The following STPG2 variants were observed in gnomAD, a reference collection of about 807,000 sequenced individuals.
STPG2 encodes sperm-tail PG-rich repeat-containing protein 2.
In STPG2, 56 loss-of-function variants were observed where a neutral mutation model predicts 54.2. That is an observed-to-expected ratio of 1.03 (90% CI 0.83 to 1.29). The LOEUF is 1.29. STPG2 is among the 50% of genes most tolerant of loss of function. The pLI is 0.00. For missense variants in STPG2, 596 were observed against 544.9 expected (o/e 1.09, Z -0.93); for synonymous variants, 200 against 181.8 (o/e 1.10, Z -0.81).
At chr4:97,456,891 C>CAAAAAAAAAAAAAAAAAAAAAA (rs57563048) in intron 4 of STPG2, among the ~76,000 whole-genome samples, 5 of 48,888 alleles carry the variant, frequency 1.0e-4, no homozygotes, top group African/African-American at 5.7e-4. Flanking sequence ...TGCTCCGTCT[C>CAAAAAAAAAAAAAAAAAAAAAA]AAAAAAAAAA....
At chr4:98,034,712 C>T (rs1736716234) in intron 5 of STPG2, among the ~76,000 whole-genome samples, 1 of 152,138 alleles carries the variant, frequency 6.6e-6, no homozygotes, top group African/African-American at 2.4e-5. Flanking sequence ...TACAAGCCTA[C>T]AGTAACCAAA....
chr4:97,863,212 A>C (rs571895988), intron 8 of STPG2, among the ~76,000 whole-genome samples: 1 of 152,254 alleles, frequency 6.6e-6, no homozygotes, highest in African/African-American at 2.4e-5. Context: ...AGACTAATAA[A>C]GAAGAAAAGA....
intron 8 of STPG2, among the ~76,000 whole-genome samples, chr4:97,875,062 T>C (rs1458753022): frequency 6.6e-6 from 1 of 152,014 alleles, no homozygotes; most frequent in Admixed American, 6.6e-5. Flanking sequence ...ATGGATATGC[T>C]AGTCTGTTGA....
chr4:98,132,948 T>C (rs1302165156), intron 2 of STPG2, among the ~76,000 whole-genome samples: 1 of 101,572 alleles, frequency 9.8e-6, no homozygotes, highest in Non-Finnish European at 2.1e-5. Context: ...TGAAATGAAC[T>C]AAAAAAAAAA....
At chr4:97,679,348 G>A (rs1386656073) in intron 10 of STPG2, among the ~76,000 whole-genome samples, 1 of 152,036 alleles carries the variant, frequency 6.6e-6, no homozygotes, top group Non-Finnish European at 1.5e-5. Context: ...TCTCATTGTG[G>A]TTTTGATTTG....
chr4:97,477,255 T>C (rs2148818422), intron 4 of STPG2, among the ~76,000 whole-genome samples: 1 of 152,328 alleles, frequency 6.6e-6, no homozygotes, highest in South Asian at 2.1e-4. Flanking sequence ...CAGTCACATT[T>C]GTTCTCTGAC....
chr4:97,670,344 T>G (rs1330729662), intron 10 of STPG2, among the ~76,000 whole-genome samples: 1 of 152,156 alleles, frequency 6.6e-6, no homozygotes, highest in Admixed American at 6.5e-5. Flanking sequence ...TCCAAAAAGA[T>G]TCCATAATTT....
intron 10 of STPG2, among the ~76,000 whole-genome samples, chr4:97,641,009 C>A (rs1289924071): frequency 6.6e-6 from 1 of 151,474 alleles, no homozygotes; most frequent in African/African-American, 2.4e-5. Flanking sequence ...TATATAATGT[C>A]TATGTGAAAC....
chr4:97,549,790 A>G (rs1303209127), intron 4 of STPG2, among the ~76,000 whole-genome samples: 7 of 152,154 alleles, frequency 4.6e-5, no homozygotes, highest in Admixed American at 2.6e-4. Context: ...AAAAAGACAG[A>G]GCTCCTCTAG....
intron 10 of STPG2, among the ~76,000 whole-genome samples, chr4:97,612,956 A>G (rs993856230): frequency 2.0e-5 from 3 of 151,984 alleles, no homozygotes; most frequent in African/African-American, 7.2e-5. Flanking sequence ...TTACCAAGCC[A>G]ATTTTAATAA....
intron 5 of STPG2, among the ~76,000 whole-genome samples, chr4:98,094,543 C>T (rs61512450): frequency 1.9e-3 from 286 of 152,302 alleles, no homozygotes; most frequent in African/African-American, 6.7e-3. Context: ...CTTTTGGGGT[C>T]CCCGAGTCCA....
At chr4:97,499,759 T>C (rs1730685047) in intron 4 of STPG2, among the ~76,000 whole-genome samples, 1 of 151,706 alleles carries the variant, frequency 6.6e-6, no homozygotes, top group Admixed American at 6.6e-5. Context: ...ATGAACCATG[T>C]AGATAGGTGG....
intron 5 of STPG2, among the ~76,000 whole-genome samples, chr4:98,004,481 TTCATC>T (rs1161389991): frequency 7.2e-5 from 11 of 152,302 alleles, no homozygotes; most frequent in Middle Eastern, 3.4e-3. Context: ...ACATACTGAT[TTCATC>T]TCCTTTGTCT....
At chr4:97,769,388 A>G (rs185201889) in intron 9 of STPG2, among the ~76,000 whole-genome samples, 1 of 152,274 alleles carries the variant, frequency 6.6e-6, no homozygotes, top group Admixed American at 6.5e-5. Context: ...CCCAGTCAAG[A>G]TCAGTTGAAC....
At chr4:97,539,396 G>A (rs945824510) in intron 4 of STPG2, among the ~76,000 whole-genome samples, 3 of 152,116 alleles carry the variant, frequency 2.0e-5, no homozygotes, top group Admixed American at 6.5e-5. Context: ...TGGAATCCTA[G>A]TCTCTGATAA....
chr4:97,474,736 G>GA (rs991835178), intron 4 of STPG2, among the ~76,000 whole-genome samples: 4 of 151,314 alleles, frequency 2.6e-5, no homozygotes, highest in Non-Finnish European at 4.4e-5. Flanking sequence ...GAAGCCAGTA[G>GA]AAAAAAAACC....
intron 10 of STPG2, among the ~76,000 whole-genome samples, chr4:97,651,552 A>G (rs1722068210): frequency 6.6e-6 from 1 of 152,104 alleles, no homozygotes; most frequent in Non-Finnish European, 1.5e-5. Context: ...GATGTTTGAA[A>G]ATAAAAATTT....
intron 10 of STPG2, among the ~76,000 whole-genome samples, chr4:97,575,249 G>GA (rs1404679909): frequency 1.3e-5 from 2 of 151,850 alleles, no homozygotes; most frequent in Non-Finnish European, 2.9e-5. Context: ...AAACCATTCT[G>GA]AAAAAATCAA....
chr4:97,797,647 CTCT>C (rs1727241467), intron 9 of STPG2, among the ~76,000 whole-genome samples: 1 of 152,090 alleles, frequency 6.6e-6, no homozygotes, highest in African/African-American at 2.4e-5. Flanking sequence ...GTCTAAAATT[CTCT>C]TTTTTTGTTG....
Sources: allele counts gnomAD v4.1 joint callset (sites outside exome capture counted in the v4.1 genomes callset), GRCh38; gene constraint gnomAD v4.1.1; transcripts MANE v1.5; gene names NCBI Gene and HGNC (gene_info 2026-07-23, HGNC 2026-07-21).